Variants in TFDP2 observed in about 807,000 individuals in gnomAD.
TFDP2 encodes the protein transcription factor Dp-2, also known as transcription factor Dp-2 (E2F dimerization partner 2).
In TFDP2, 17 loss-of-function variants were observed where a neutral mutation model predicts 59.3. That is an observed-to-expected ratio of 0.29 (90% CI 0.20 to 0.43). The LOEUF is 0.43. Among genes scored for constraint, TFDP2 ranks in the 20% least tolerant of loss-of-function variants. The probability of loss-of-function intolerance (pLI) is 1.00; values close to 1 mark genes in which losing one functional copy is unlikely to be tolerated. For missense variants in TFDP2, 391 were observed against 528.8 expected, an observed-to-expected ratio of 0.74 and a Z score of 2.56; for synonymous variants, 180 against 194.7, an observed-to-expected ratio of 0.92 and a Z score of 0.63.
At chr3:142,072,759 A>G (rs1218455762) in intron 3 of TFDP2, among the ~76,000 whole-genome samples, 1 of 152,258 alleles carries the variant, frequency 6.6e-6, no homozygotes, top group African/African-American at 2.4e-5. Context: ...TATAACCCAG[A>G]GTATAAACTA....
intron 8 of TFDP2, among the ~76,000 whole-genome samples, chr3:141,973,112 TATATATATATA>T (rs1439460434): frequency 8.1e-5 from 9 of 111,612 alleles, no homozygotes; most frequent in African/African-American, 1.1e-4. Context: ...TATATATATA[TATATATATATA>T]TTTTTTTTTT....
intron 9 of TFDP2, among the ~76,000 whole-genome samples, chr3:141,964,565 T>C (rs1937657122): frequency 1.3e-5 from 2 of 152,090 alleles, no homozygotes; most frequent in Admixed American, 6.6e-5. Context: ...GGTGGGAGGA[T>C]TGTTTGAATC....
At chr3:141,953,452 A>C (rs1435213666) in intron 11 of TFDP2, among the ~76,000 whole-genome samples, 1 of 152,098 alleles carries the variant, frequency 6.6e-6, no homozygotes, top group Non-Finnish European at 1.5e-5. Context: ...TGAGGTAAGA[A>C]GGCCACCCTG....
In TFDP2 at chr3:142,119,590, A is replaced by G. The variant is rs114015698; in HGVS notation, c.-92-17749T>C. Among the ~76,000 whole-genome samples, 213 of 152,346 alleles carry G rather than the reference A, an allele frequency of 1.4e-3. 1 individual carries two copies. Among genetic ancestry groups the G allele is most frequent in the African/African-American group, 5.0e-3 (208 of 41,582 alleles). ...ATTTGATCAACATAGAAAATATATT[A>G]AAGTAGCTGGGTGTGGTGGCACACA... On this transcript the variant is annotated intron_variant, in intron 1 of 12. Coordinates refer to ENST00000489671, the MANE Select transcript of TFDP2 (RefSeq NM_001178139.2).
chr3:141,970,760 A>G (rs1014437306), intron 8 of TFDP2, among the ~76,000 whole-genome samples: 1 of 152,172 alleles, frequency 6.6e-6, no homozygotes, highest in Admixed American at 6.5e-5. Context: ...GATAATACAG[A>G]TATCTCACAC....
In TFDP2 at chr3:141,950,298, T is replaced by C. The variant is rs1412592602; in HGVS notation, c.*2215A>G. On this transcript the variant is annotated 3_prime_UTR_variant, in exon 13 of 13. Transcript: ENST00000489671. ...GTGACCATGATGTCACTCTGTGAGC[T>C]GGCCTCACCAGTAACCCAAACACAA... 6.6e-6 allele frequency: 1 copy of C among 152,194 alleles called. No homozygotes were observed. Among genetic ancestry groups the C allele is most frequent in the Non-Finnish European group, 1.5e-5 (1 of 68,060 alleles). 9.4% of individuals were successfully genotyped at this position (152,194 alleles called of 1,614,324 possible). A position where few individuals can be genotyped will look rare whatever the true frequency, so the allele number is the denominator to read the frequency against.
At chr3:142,094,901 C>T (rs576776272) in intron 2 of TFDP2, among the ~76,000 whole-genome samples, 1 of 152,242 alleles carries the variant, frequency 6.6e-6, no homozygotes, top group African/African-American at 2.4e-5. Context: ...ATCAGATCTC[C>T]AGCAATCTGA....
At chr3:141,998,915 A>G (rs998657924) in intron 4 of TFDP2, among the ~76,000 whole-genome samples, 10 of 152,100 alleles carry the variant, frequency 6.6e-5, no homozygotes, top group African/African-American at 2.2e-4. Context: ...TTCTAAAGGG[A>G]AAAAAAATTA....
At chr3:142,087,709 C>T (rs984839438) in intron 3 of TFDP2, among the ~76,000 whole-genome samples, 3 of 152,006 alleles carry the variant, frequency 2.0e-5, no homozygotes, top group Non-Finnish European at 2.9e-5. Flanking sequence ...GCCATGTTGC[C>T]CAGGCTGGTC....
At chr3:142,046,729 T>C (rs1207191489) in intron 3 of TFDP2, among the ~76,000 whole-genome samples, 1 of 152,216 alleles carries the variant, frequency 6.6e-6, no homozygotes, top group Admixed American at 6.5e-5. Context: ...AATCTTCATT[T>C]CTACTCATCG....
At chr3:142,131,734 G>A (rs1301473701) in intron 1 of TFDP2, among the ~76,000 whole-genome samples, 4 of 150,100 alleles carry the variant, frequency 2.7e-5, no homozygotes, top group Admixed American at 2.6e-4. Context: ...GGCCGGGCAC[G>A]ATGTCTCATG....
chr3:142,114,181 A>T (rs2061769078), intron 1 of TFDP2, among the ~76,000 whole-genome samples: 1 of 152,056 alleles, frequency 6.6e-6, no homozygotes. Context: ...AAAAAAAGGT[A>T]TAGTTATCTC....
intron 3 of TFDP2, among the ~76,000 whole-genome samples, chr3:142,048,543 A>G (rs2108479344): frequency 6.6e-6 from 1 of 152,260 alleles, no homozygotes; most frequent in African/African-American, 2.4e-5. Context: ...ATAAATGCAG[A>G]GCCGTTTTCA....
intron 3 of TFDP2, among the ~76,000 whole-genome samples, chr3:142,012,935 G>C (rs1944837159): frequency 6.6e-6 from 1 of 152,064 alleles, no homozygotes; most frequent in Admixed American, 6.6e-5. Flanking sequence ...CCAGGAGTTT[G>C]AGACCAGCCT....
chr3:142,072,876 C>G (rs2060294129), intron 3 of TFDP2, among the ~76,000 whole-genome samples: 3 of 152,166 alleles, frequency 2.0e-5, no homozygotes, highest in South Asian at 4.1e-4. Flanking sequence ...GTTAATTTAA[C>G]TTATGTAGAA....
intron 11 of TFDP2, among the ~76,000 whole-genome samples, chr3:141,956,477 G>A (rs1427891640): frequency 5.9e-5 from 9 of 152,010 alleles, no homozygotes; most frequent in Non-Finnish European, 1.3e-4. Flanking sequence ...GCCTGAACCC[G>A]GGAGGTGGAG....
At chr3:142,044,556 A>T in intron 3 of TFDP2, among the ~76,000 whole-genome samples, 1 of 151,850 alleles carries the variant, frequency 6.6e-6, no homozygotes, top group East Asian at 1.9e-4. Context: ...TTTTTAGTAG[A>T]GACAGAGTTT....
At position 141,959,798 on chromosome 3, in the gene TFDP2, A is replaced by G. The variant is rs757899975; in HGVS notation, c.927T>C (p.His309=). ...LFNFDNTFEI[H]DDIEVLKRMG... Reference sequence around the variant, plus strand: ...TCCGCTTTAGTACTTCTATGTCATCATGGATCTCAAAGGTGTTGTCAAAAT... The same window carrying G: ...TCCGCTTTAGTACTTCTATGTCATCGTGGATCTCAAAGGTGTTGTCAAAAT... The change falls in exon 11 of 13, where the codon CAT becomes CAC. Residue 309 remains histidine (H), a synonymous_variant. Coordinates refer to ENST00000489671, the MANE Select transcript of TFDP2 (RefSeq NM_001178139.2). The G allele has an allele frequency of 2.5e-6, 4 of 1,614,150 alleles. No homozygotes were observed. Among genetic ancestry groups the G allele is most frequent in the Non-Finnish European group, 3.4e-6 (4 of 1,180,008 alleles).
chr3:142,101,269 A>T (rs1214551766), intron 2 of TFDP2, among the ~76,000 whole-genome samples: 1 of 152,012 alleles, frequency 6.6e-6, no homozygotes, highest in Admixed American at 6.6e-5. Context: ...AAACATCTAA[A>T]ATCTAATGTT....
Sources: gnomAD v4.1 joint callset for allele counts (sites outside exome capture counted in the v4.1 genomes callset) on GRCh38, gnomAD v4.1.1 for gene constraint, MANE v1.5 for transcripts, NCBI Gene and HGNC (gene_info 2026-07-23, HGNC 2026-07-21) for gene names.